FN1: variants seen among roughly 807,000 people sequenced by gnomAD.
FN1 encodes fibronectin 1, also known as fibronectin.
A neutral mutation model predicts 297.3 loss-of-function variants in FN1; 106 were observed. That is an observed-to-expected ratio of 0.36 (90% confidence interval 0.30 to 0.42). FN1 has a LOEUF of 0.42. FN1 is among the 10% of genes least tolerant of loss of function. The probability of loss-of-function intolerance (pLI) is 1.00; values close to 1 mark genes in which losing one functional copy is unlikely to be tolerated. For missense variants in FN1, 2,690 were observed against 3,124.9 expected (o/e 0.86, Z 3.32); for synonymous variants, 1,149 against 1,152.6 (o/e 1.00, Z 0.06).
rs910743035 is a variant in FN1, at chr2:215,425,763, G to A, written c.845-478C>T. On this transcript the variant is annotated intron_variant, in intron 6 of 45. Transcript: ENST00000354785. ...GTAGAGACGGGGTTTTGCCATGTTG[G>A]CAAACTCCTGACCTCAAACTCCTGT... Among the ~76,000 whole-genome samples the A allele has an allele frequency of 5.3e-5, 8 of 150,922 alleles. No homozygotes were observed. In the South Asian group the frequency reaches 1.7e-3, roughly 31 times the overall value.
At chr2:215,365,445 G>A in intron 43 of FN1, 60 bp downstream of exon 43, 1 of 1,550,060 alleles carries the variant, frequency 6.5e-7, no homozygotes, top group East Asian at 2.2e-5. Context: ...GAGAGTTACA[G>A]CCTGATAATG....
At position 215,409,654 on chromosome 2, in the gene FN1, A is replaced by G; in HGVS notation, c.2208T>C (p.Phe736=). 1 of 1,613,928 alleles carries G rather than the reference A, an allele frequency of 6.2e-7. No homozygotes were observed. The highest frequency in any genetic ancestry group is 8.5e-7 in the Non-Finnish European group (1 of 1,179,866). ...CGGAAGCTGAGACCCAGGAGACCAC[A>G]AAGCTACTGGCTGTGATTTCGGTCA... The part of the protein sequence containing the change: ...ESVTEITASS[F]VVSWVSASDT... The change falls in exon 15 of 46, where the codon TTT becomes TTC. Residue 736 remains phenylalanine, a synonymous_variant. Coordinates refer to ENST00000354785, the MANE Select transcript of FN1 (RefSeq NM_212482.4).
At chr2:215,410,204 A>G in intron 13 of FN1, 90 bp from the exon 14 acceptor site, 1 of 1,377,014 alleles carries the variant, frequency 7.3e-7, no homozygotes, top group East Asian at 2.5e-5. Context: ...CTTCAAAGAA[A>G]AATGACTTAA....
chr2:215,421,054 G>A, intron 10 of FN1: 1 of 455,344 alleles, frequency 2.2e-6, no homozygotes, highest in East Asian at 4.4e-5. Flanking sequence ...AGTAAAGAAT[G>A]TGGTAAAATA....
At chr2:215,414,423 A>G (rs1323321665) in intron 13 of FN1, among the ~76,000 whole-genome samples, 3 of 152,182 alleles carry the variant, frequency 2.0e-5, no homozygotes, top group Non-Finnish European at 4.4e-5. Flanking sequence ...AAAGAAATAT[A>G]TTAATTTGGC....
In FN1 at chr2:215,367,796, C is replaced by T. The variant is rs977700723; in HGVS notation, c.7018+67G>A. ...GTGTCTTCCAAACATGCTTCCTTGG[C>T]ACATGAGTGCATGCATGGAACTTGA... On this transcript the variant is annotated intron_variant, in intron 42 of 45. Transcript: ENST00000354785. The T allele has an allele frequency of 1.9e-5, 28 of 1,501,622 alleles. No individual in the cohort carries two copies. The Admixed American group carries it at 2.4e-4, about 13-fold the overall frequency. 93.0% of individuals were successfully genotyped at this position (1,501,622 alleles called of 1,614,324 possible). A position where few individuals can be genotyped will look rare whatever the true frequency, so the allele number is the denominator to read the frequency against.
chr2:215,395,752 A>G (rs909086446), intron 23 of FN1, among the ~76,000 whole-genome samples: 1 of 152,188 alleles, frequency 6.6e-6, no homozygotes, highest in African/African-American at 2.4e-5. Flanking sequence ...GCCATTAGGA[A>G]CAGGGTAAAC....
At chr2:215,401,208 AAG>A (rs1491010438) in intron 20 of FN1, among the ~76,000 whole-genome samples, 3 of 40,734 alleles carry the variant, frequency 7.4e-5, no homozygotes, top group African/African-American at 3.1e-4. Flanking sequence ...AAAAGAAAGA[AAG>A]AAAGAAAGAA....
Position 215,373,199 on chromosome 2 carries a change from G to A in FN1, c.6247+123C>T. 5.3e-6 allele frequency: 4 copies of A among 757,920 alleles called. No homozygotes were observed. In the South Asian group the frequency reaches 5.6e-5, roughly 11 times the overall value. The allele number at this position is 757,920 out of a possible 1,614,324, so 46.9% of individuals were successfully genotyped here. ...AAGAATACAATATATACACTATGCT[G>A]TTAGATAAAAAAAATCACAAGAAAT... is the stretch of plus-strand genomic sequence containing the variant. On this transcript the variant is annotated intron_variant, in intron 39 of 45. Transcript: ENST00000354785.
At chr2:215,376,816 T>C in intron 35 of FN1, 142 bp from the exon 36 acceptor site, 1 of 710,602 alleles carries the variant, frequency 1.4e-6, no homozygotes, top group Non-Finnish European at 2.4e-6. Context: ...TTATCTCCTT[T>C]GGCATTCAGA....
At chr2:215,364,790 C>T (rs1255485910) in intron 44 of FN1, 89 bp downstream of exon 44, 18 of 848,410 alleles carry the variant, frequency 2.1e-5, no homozygotes, top group Admixed American at 1.0e-4. Context: ...CGAAGGGTCT[C>T]TGCCCCTCCT....
At chr2:215,423,180 T>TCACACACACACACACACACACACA (rs9288509) in intron 9 of FN1, among the ~76,000 whole-genome samples, 170 bp downstream of exon 9, 1 of 148,766 alleles carries the variant, frequency 6.7e-6, no homozygotes, top group African/African-American at 2.5e-5. Flanking sequence ...TGATGTAACA[T>TCACACACACACACACACACACACA]CACACACACA....
Position 215,364,880 on chromosome 2 carries a change from C to T in FN1, c.7250G>A (p.Arg2417Gln), listed in dbSNP as rs866502480. 5.2e-6 allele frequency: 8 copies of T among 1,552,754 alleles called. No homozygotes were observed. Among genetic ancestry groups the T allele is most frequent in the South Asian group, 3.6e-5 (3 of 84,420 alleles). ...GGAGCCTGGCACATCCAGTCTTACC[C>T]GCTGGCCTCCAAAGCATGTGCAGGA... ...ICSCTCFGGQ[R>Q]GWRCDNCRRP... Residue 2417 changes from arginine to glutamine, a missense_variant and splice_region_variant, in exon 44 of 46, where the codon CGG (arginine) becomes CAG (glutamine). Coordinates refer to ENST00000354785, the MANE Select transcript of FN1 (RefSeq NM_212482.4).
rs930525054 is a variant in FN1 at position 215,388,111 on chromosome 2, C to A, written c.4342+101G>T. ...GATGACAAAGGTACACACACCATGACAACAAAAAATGGAGATGTATTTTTA... is the reference window on the plus strand; with the variant it reads ...GATGACAAAGGTACACACACCATGAAAACAAAAAATGGAGATGTATTTTTA... On this transcript the variant is annotated intron_variant, in intron 27 of 45. Coordinates refer to ENST00000354785, the MANE Select transcript of FN1 (RefSeq NM_212482.4). 1.0e-5 allele frequency: 9 copies of A among 876,632 alleles called. No individual in the cohort carries two copies. In the African/African-American group the frequency reaches 1.5e-4, roughly 14 times the overall value. The allele number at this position is 876,632 out of a possible 1,614,324, so 54.3% of individuals were successfully genotyped here. A position where few individuals can be genotyped will look rare whatever the true frequency, so the allele number is the denominator to read the frequency against.
intron 20 of FN1, among the ~76,000 whole-genome samples, chr2:215,401,165 AAGAAAG>A (rs2060973139): frequency 6.7e-6 from 1 of 149,416 alleles, no homozygotes; most frequent in Non-Finnish European, 1.5e-5. Flanking sequence ...ATAAGAAAGA[AAGAAAG>A]AGAGAGAGAG....
chr2:215,435,532 T>TCTCTCAGTAA (rs1332584420), intron 1 of FN1, 123 bp downstream of exon 1: 1 of 1,414,770 alleles, frequency 7.1e-7, no homozygotes, highest in East Asian at 2.4e-5. Flanking sequence ...ACAGCTGGTT[T>TCTCTCAGTAA]CTCTCAGTAA....
chr2:215,409,976 G>A lies in FN1; in HGVS notation c.2080C>T (p.Arg694Cys). ...IQQYGHQEVTRFDFTTTSTST... is the reference protein window; with the variant it reads ...IQQYGHQEVTCFDFTTTSTST... ...GTGCTGGTGGTGGTGAAGTCAAAGC[G>A]AGTCACTTCTTGGTGGCCGTACTGC... is the stretch of plus-strand genomic sequence containing the variant. The change falls in exon 14 of 46, where the codon CGC (arginine) becomes TGC (cysteine). Residue 694 changes from arginine (R) to cysteine (C), a missense_variant. Arg to Cys is a radical substitution (Grantham distance 180). Transcript: ENST00000354785. 1 of 1,613,964 alleles carries A rather than the reference G, an allele frequency of 6.2e-7. No homozygotes were observed. The highest frequency in any genetic ancestry group is 8.5e-7 in the Non-Finnish European group (1 of 1,180,012).
At chr2:215,412,760 C>CTTTTTTTTTTTTTTTTTTTT (rs10524797) in intron 13 of FN1, among the ~76,000 whole-genome samples, 1 of 97,570 alleles carries the variant, frequency 1.0e-5, no homozygotes, top group African/African-American at 4.3e-5. Flanking sequence ...TATTAAGTAT[C>CTTTTTTTTTTTTTTTTTTTT]TTTTTTTTTT....
chr2:215,408,088 G>C lies in FN1; in HGVS notation c.2518+20C>G. 1 of 1,595,676 alleles carries C rather than the reference G, an allele frequency of 6.3e-7. No homozygotes were observed. Among genetic ancestry groups the C allele is most frequent in the Non-Finnish European group, 8.6e-7 (1 of 1,163,286 alleles). On this transcript the variant is annotated intron_variant, in intron 17 of 45. Coordinates refer to ENST00000354785, the MANE Select transcript of FN1 (RefSeq NM_212482.4). ...CATTAAGATTAACATAGCAGCCAAAGAGGGGGACGCTTAGCTGACCTGTGA... is the reference window on the plus strand; with the variant it reads ...CATTAAGATTAACATAGCAGCCAAACAGGGGGACGCTTAGCTGACCTGTGA...
Sources: gnomAD v4.1 joint callset for allele counts (sites outside exome capture counted in the v4.1 genomes callset) on GRCh38, gnomAD v4.1.1 for gene constraint, MANE v1.5 for transcripts, NCBI Gene and HGNC (gene_info 2026-07-23, HGNC 2026-07-21) for gene names.